The following VAV3 variants were observed in gnomAD, a reference collection of about 807,000 sequenced individuals.
The protein encoded by VAV3 is vav guanine nucleotide exchange factor 3.
VAV3 carries 94 observed loss-of-function variants against 131.2 expected under a neutral mutation model. The ratio of observed to expected loss-of-function variants is 0.72; its 90% confidence interval spans 0.61 to 0.85. VAV3 has a LOEUF of 0.85. VAV3 is among the 40% of genes least tolerant of loss of function. The pLI is 0.00. For missense variants in VAV3, 939 were observed against 1,002.7 expected (o/e 0.94, Z 0.86); for synonymous variants, 349 against 342.0 (o/e 1.02, Z -0.22).
At position 107,729,334 on chromosome 1, in the gene VAV3, G is replaced by T. The variant is rs1341522610; in HGVS notation, c.1502+19634C>A. Among the ~76,000 whole-genome samples, 6 of 152,192 alleles carry T rather than the reference G, an allele frequency of 3.9e-5. No individual in the cohort carries two copies. In the South Asian group the frequency reaches 8.3e-4, roughly 21 times the overall value. On this transcript the variant is annotated intron_variant, in intron 15 of 26. Transcript: ENST00000370056. ...AGTCATTAGTCAAAGACTACATAAGGCAAATTTGGTATATGATAATAGATG... is the reference window on the plus strand; with the variant it reads ...AGTCATTAGTCAAAGACTACATAAGTCAAATTTGGTATATGATAATAGATG...
At chr1:107,782,647 ACT>A (rs1320776850) in intron 2 of VAV3, among the ~76,000 whole-genome samples, 1 of 152,230 alleles carries the variant, frequency 6.6e-6, no homozygotes, top group East Asian at 1.9e-4. Flanking sequence ...GCTATTGTAC[ACT>A]GAGTCCATCC....
intron 1 of VAV3, among the ~76,000 whole-genome samples, chr1:107,878,662 T>G (rs1392947936): frequency 3.9e-5 from 6 of 152,134 alleles, no homozygotes; most frequent in African/African-American, 1.4e-4. Flanking sequence ...TTTCATCACA[T>G]CAGAAGACAC....
intron 15 of VAV3, among the ~76,000 whole-genome samples, chr1:107,737,708 G>A (rs1557808166): frequency 6.6e-6 from 1 of 152,194 alleles, no homozygotes; most frequent in Non-Finnish European, 1.5e-5. Flanking sequence ...GGAAACAACA[G>A]GTGCTGGACA....
At chr1:107,672,853 T>C (rs1657918114) in intron 19 of VAV3, among the ~76,000 whole-genome samples, 1 of 152,200 alleles carries the variant, frequency 6.6e-6, no homozygotes, top group African/African-American at 2.4e-5. Flanking sequence ...TTTTCCTATC[T>C]AATGACTTAT....
At chr1:107,821,409 CAATG>C (rs1667785478) in intron 2 of VAV3, among the ~76,000 whole-genome samples, 1 of 152,072 alleles carries the variant, frequency 6.6e-6, no homozygotes, top group Non-Finnish European at 1.5e-5. Flanking sequence ...GGTGCTGGGC[CAATG>C]AAGGAGGGAA....
chr1:107,887,138 C>T (rs1370689471), intron 1 of VAV3, among the ~76,000 whole-genome samples: 1 of 152,198 alleles, frequency 6.6e-6, no homozygotes, highest in African/African-American at 2.4e-5. Context: ...CTGGGCCAAC[C>T]CAAGCCCCAG....
At chr1:107,625,322 G>A (rs562999733) in intron 20 of VAV3, among the ~76,000 whole-genome samples, 6 of 150,900 alleles carry the variant, frequency 4.0e-5, no homozygotes, top group South Asian at 2.1e-4. Flanking sequence ...GCAATGGCGC[G>A]ATCTCTGGAT....
chr1:107,933,832 A>AAC (rs1553232933), intron 1 of VAV3, among the ~76,000 whole-genome samples: 1 of 151,704 alleles, frequency 6.6e-6, no homozygotes, highest in Non-Finnish European at 1.5e-5. Context: ...AAAAAAAAAA[A>AAC]ATTAAATCTC....
At chr1:107,615,197 T>C (rs987132612) in intron 21 of VAV3, among the ~76,000 whole-genome samples, 8 of 152,040 alleles carry the variant, frequency 5.3e-5, no homozygotes, top group Non-Finnish European at 1.2e-4. Flanking sequence ...TTGACAAAGC[T>C]GACAAAAACA....
intron 19 of VAV3, among the ~76,000 whole-genome samples, chr1:107,660,316 A>G (rs573743854): frequency 6.6e-6 from 1 of 152,318 alleles, no homozygotes; most frequent in East Asian, 1.9e-4. Context: ...CTTTTCTGCT[A>G]CACAGTTATA....
At chr1:107,873,860 G>A (rs1266925363) in intron 2 of VAV3, among the ~76,000 whole-genome samples, 1 of 152,122 alleles carries the variant, frequency 6.6e-6, no homozygotes, top group African/African-American at 2.4e-5. Flanking sequence ...GAGAGAACCA[G>A]GGCCTTCCCC....
chr1:107,930,729 T>C (rs1673392286), intron 1 of VAV3, among the ~76,000 whole-genome samples: 1 of 152,166 alleles, frequency 6.6e-6, no homozygotes, highest in African/African-American at 2.4e-5. Context: ...AAACTTTATA[T>C]TGAAGAGATG....
intron 2 of VAV3, among the ~76,000 whole-genome samples, chr1:107,784,392 G>A (rs1471841686): frequency 1.3e-5 from 2 of 152,116 alleles, no homozygotes. Flanking sequence ...CCATTCTCTT[G>A]TCAATGAGCT....
At chr1:107,798,611 C>A (rs1666669622) in intron 2 of VAV3, among the ~76,000 whole-genome samples, 1 of 149,578 alleles carries the variant, frequency 6.7e-6, no homozygotes, top group African/African-American at 2.5e-5. Flanking sequence ...CCCAGCTACT[C>A]AGGAGGCTGA....
At chr1:107,772,057 G>A (rs1220481758) in intron 5 of VAV3, among the ~76,000 whole-genome samples, 1 of 152,222 alleles carries the variant, frequency 6.6e-6, no homozygotes, top group Admixed American at 6.5e-5. Flanking sequence ...TTACCAAGCA[G>A]CTGGTAAAGA....
At chr1:107,924,527 T>C (rs921534346) in intron 1 of VAV3, among the ~76,000 whole-genome samples, 1 of 152,148 alleles carries the variant, frequency 6.6e-6, no homozygotes, top group African/African-American at 2.4e-5. Flanking sequence ...ACCTCTCAAC[T>C]TTTGTCAACT....
chr1:107,731,882 A>G (rs1207435217), intron 15 of VAV3, among the ~76,000 whole-genome samples: 1 of 152,242 alleles, frequency 6.6e-6, no homozygotes, highest in Non-Finnish European at 1.5e-5. Context: ...TTCAGAATCG[A>G]TGGGAAAAAA....
At chr1:107,926,937 G>T (rs1167097899) in intron 1 of VAV3, among the ~76,000 whole-genome samples, 1 of 152,006 alleles carries the variant, frequency 6.6e-6, no homozygotes, top group African/African-American at 2.4e-5. Flanking sequence ...GGACTGTGGG[G>T]GAACACAACC....
chr1:107,667,887 C>T (rs535967708), intron 19 of VAV3, among the ~76,000 whole-genome samples: 11 of 152,248 alleles, frequency 7.2e-5, no homozygotes, highest in African/African-American at 2.6e-4. Flanking sequence ...TGCTTGGAAT[C>T]GTAGCATCCC....
Sources: allele counts gnomAD v4.1 joint callset (sites outside exome capture counted in the v4.1 genomes callset), GRCh38; gene constraint gnomAD v4.1.1; transcripts MANE v1.5; gene names NCBI Gene and HGNC (gene_info 2026-07-23, HGNC 2026-07-21).